THSD7B: variants seen among roughly 807,000 people sequenced by gnomAD.
The protein encoded by THSD7B is thrombospondin type-1 domain-containing protein 7B.
In THSD7B, 138 loss-of-function variants were observed where a neutral mutation model predicts 213.6. That is an observed-to-expected ratio of 0.65 (90% CI 0.56 to 0.74). The LOEUF is 0.74. THSD7B is among the 30% of genes least tolerant of loss of function. The pLI is 0.00. For missense variants in THSD7B, 1,931 were observed against 1,991.5 expected (o/e 0.97, Z 0.58); for synonymous variants, 742 against 687.0 (o/e 1.08, Z -1.25).
intron 12 of THSD7B, among the ~76,000 whole-genome samples, chr2:137,287,417 G>A (rs1436658301): frequency 6.6e-6 from 1 of 152,042 alleles, no homozygotes. Context: ...AACAAAGATT[G>A]CATTTTAATC....
intron 15 of THSD7B, among the ~76,000 whole-genome samples, chr2:137,551,857 G>A (rs570974522): frequency 6.6e-6 from 1 of 152,136 alleles, no homozygotes; most frequent in South Asian, 2.1e-4. Flanking sequence ...CCTGGGCCTG[G>A]GGCTTGAGCA....
At chr2:137,400,304 TC>T (rs2104995676) in intron 12 of THSD7B, among the ~76,000 whole-genome samples, 2 of 152,278 alleles carry the variant, frequency 1.3e-5, no homozygotes, top group African/African-American at 4.8e-5. Context: ...GTTTTTTTTT[TC>T]TTTCCATGAT....
intron 12 of THSD7B, among the ~76,000 whole-genome samples, chr2:137,303,694 T>TTA (rs371066803): frequency 0.31 from 28,932 of 92,374 alleles, 4,429 homozygotes; most frequent in Non-Finnish European, 0.4. Flanking sequence ...TTATATATAT[T>TTA]TATATATATT....
chr2:137,370,766 G>A (rs1685522295), intron 12 of THSD7B, among the ~76,000 whole-genome samples: 1 of 152,002 alleles, frequency 6.6e-6, no homozygotes, highest in South Asian at 2.1e-4. Context: ...ACCGTGCCCA[G>A]CCCTTAATAA....
chr2:137,190,740 A>G (rs1203546168), intron 7 of THSD7B, among the ~76,000 whole-genome samples: 1 of 152,186 alleles, frequency 6.6e-6, no homozygotes, highest in East Asian at 1.9e-4. Context: ...AATGATTTAC[A>G]GTTCACAATG....
chr2:137,621,923 C>T (rs558169405), intron 20 of THSD7B, among the ~76,000 whole-genome samples: 4 of 152,040 alleles, frequency 2.6e-5, no homozygotes, highest in African/African-American at 7.2e-5. Flanking sequence ...AGAAGGTGTT[C>T]GTAAAGAGAT....
chr2:137,046,191 G>T (rs190888616), intron 2 of THSD7B, among the ~76,000 whole-genome samples: 1 of 152,264 alleles, frequency 6.6e-6, no homozygotes, highest in African/African-American at 2.4e-5. Flanking sequence ...GGCTAGTACA[G>T]GGAATAGAGT....
chr2:137,143,202 A>G (rs961221811), intron 5 of THSD7B, among the ~76,000 whole-genome samples: 9 of 152,162 alleles, frequency 5.9e-5, no homozygotes, highest in African/African-American at 1.7e-4. Flanking sequence ...TTCTTTTGTG[A>G]ATACCTACCT....
rs534279452 is a variant in THSD7B at position 136,803,920 on chromosome 2, C to T, written c.-36+38233C>T. Reference sequence around the variant, plus strand: ...CCCTTCCTCTGCCTTTTTGTTCTATCGAGGCCCTCAATGGACTGGACGAGG... The same window carrying T: ...CCCTTCCTCTGCCTTTTTGTTCTATTGAGGCCCTCAATGGACTGGACGAGG... On this transcript the variant is annotated intron_variant, in intron 1 of 27. Transcript: ENST00000409968. 2.0e-5 allele frequency among the ~76,000 whole-genome samples: 3 copies of T among 152,254 alleles called. No individual in the cohort carries two copies. In the South Asian group the frequency reaches 6.2e-4, roughly 32 times the overall value.
intron 2 of THSD7B, among the ~76,000 whole-genome samples, chr2:137,053,191 T>A (rs1687098994): frequency 6.6e-6 from 1 of 152,158 alleles, no homozygotes. Flanking sequence ...TATAGCATAA[T>A]ATTGAATTAA....
chr2:137,224,884 G>C (rs2105048196), intron 7 of THSD7B, among the ~76,000 whole-genome samples: 1 of 152,180 alleles, frequency 6.6e-6, no homozygotes, highest in African/African-American at 2.4e-5. Flanking sequence ...TGCAATTTTA[G>C]CTAATTCCTG....
At chr2:136,863,962 A>C (rs1395358861) in intron 1 of THSD7B, among the ~76,000 whole-genome samples, 1 of 152,200 alleles carries the variant, frequency 6.6e-6, no homozygotes, top group Non-Finnish European at 1.5e-5. Flanking sequence ...TTCCATTAAA[A>C]GTTGATGGTG....
At chr2:137,333,666 T>C (rs1217853373) in intron 12 of THSD7B, among the ~76,000 whole-genome samples, 2 of 152,234 alleles carry the variant, frequency 1.3e-5, no homozygotes, top group Non-Finnish European at 2.9e-5. Context: ...CAAGTTTCAC[T>C]TACGAATTTG....
rs181135088 is a variant in THSD7B at position 137,148,408 on chromosome 2, T to A, written c.1370-11805T>A. Among the ~76,000 whole-genome samples the A allele has an allele frequency of 4.3e-4, 65 of 152,248 alleles. 1 individual carries two copies. Among genetic ancestry groups the A allele is most frequent in the African/African-American group, 1.5e-3 (62 of 41,552 alleles). ...TACTGCAGAGAGTGGGGCACTGCTG[T>A]AAAGATACCTGAAAATGTGGAAGTG... On this transcript the variant is annotated intron_variant, in intron 5 of 27. Coordinates refer to ENST00000409968, the MANE Select transcript of THSD7B (RefSeq NM_001316349.2).
At chr2:136,881,643 T>G (rs923685469) in intron 1 of THSD7B, among the ~76,000 whole-genome samples, 1 of 152,072 alleles carries the variant, frequency 6.6e-6, no homozygotes, top group Non-Finnish European at 1.5e-5. Context: ...AAATAAAAGG[T>G]ATACATTTAA....
At chr2:137,207,862 G>A (rs917512131) in intron 7 of THSD7B, among the ~76,000 whole-genome samples, 2 of 152,170 alleles carry the variant, frequency 1.3e-5, no homozygotes, top group East Asian at 3.9e-4. Context: ...ATCATTGTGT[G>A]ATCACCTGAT....
rs1573769988 is a variant in THSD7B at position 137,018,501 on chromosome 2, CA to C, written c.140-37918del. On this transcript the variant is annotated intron_variant, in intron 2 of 27. Coordinates refer to ENST00000409968, the MANE Select transcript of THSD7B (RefSeq NM_001316349.2). ...AAAATTTTGGAAAAACACAAGGATTCACCAGCACATGTTTCATTCACTCTTA... is the reference window on the plus strand; with the variant it reads ...AAAATTTTGGAAAAACACAAGGATTCCCAGCACATGTTTCATTCACTCTTA... 2.0e-5 allele frequency among the ~76,000 whole-genome samples: 3 copies of C among 152,264 alleles called. No individual in the cohort carries two copies. The East Asian group carries it at 5.8e-4, about 29-fold the overall frequency.
intron 15 of THSD7B, among the ~76,000 whole-genome samples, chr2:137,452,888 T>G (rs976520893): frequency 6.6e-6 from 1 of 152,192 alleles, no homozygotes; most frequent in African/African-American, 2.4e-5. Flanking sequence ...CTTGGGAAGT[T>G]GTACAAACTA....
At chr2:137,121,906 C>T (rs1024735187) in intron 5 of THSD7B, among the ~76,000 whole-genome samples, 3 of 152,144 alleles carry the variant, frequency 2.0e-5, no homozygotes, top group African/African-American at 7.2e-5. Context: ...TTGTCTGCAA[C>T]CTGGATGTCA....
Sources: gnomAD v4.1 joint callset for allele counts (sites outside exome capture counted in the v4.1 genomes callset) on GRCh38, gnomAD v4.1.1 for gene constraint, MANE v1.5 for transcripts, NCBI Gene and HGNC (gene_info 2026-07-23, HGNC 2026-07-21) for gene names.